NOL4: variants seen among roughly 807,000 people sequenced by gnomAD.
NOL4 encodes the protein cancer/testis antigen 125.
NOL4 carries 17 observed loss-of-function variants against 75.9 expected under a neutral mutation model. The ratio of observed to expected loss-of-function variants is 0.22; its 90% CI spans 0.15 to 0.34. The LOEUF (loss-of-function observed/expected upper bound fraction) is 0.34, where lower values mean the gene tolerates loss of function less well. Among genes scored for constraint, NOL4 ranks in the 10% least tolerant of loss-of-function variants. NOL4 has a pLI of 1.00. For synonymous variants in NOL4, 292 were observed against 289.9 expected (o/e 1.01, Z -0.07); for missense variants, 614 against 793.5 (o/e 0.77, Z 2.72).
chr18:33,970,751 GTA>G (rs1491177119), intron 6 of NOL4, among the ~76,000 whole-genome samples: 302 of 151,386 alleles, frequency 2.0e-3, no homozygotes, highest in South Asian at 0.01. Flanking sequence ...GTGTGTGTGT[GTA>G]TGTGTATGTG....
At chr18:34,004,335 C>T (rs144616404) in intron 6 of NOL4, among the ~76,000 whole-genome samples, 238 of 152,184 alleles carry the variant, frequency 1.6e-3, no homozygotes, top group African/African-American at 5.3e-3. Flanking sequence ...CCATGGGCCA[C>T]TGGTCACTCA....
intron 9 of NOL4, among the ~76,000 whole-genome samples, chr18:33,890,863 T>A (rs1230982527): frequency 6.6e-6 from 1 of 151,876 alleles, no homozygotes; most frequent in Non-Finnish European, 1.5e-5. Flanking sequence ...GAAATAGTGG[T>A]AGAGAAATAT....
chr18:34,107,043 A>G (rs2079321796), intron 2 of NOL4, among the ~76,000 whole-genome samples: 1 of 152,134 alleles, frequency 6.6e-6, no homozygotes, highest in South Asian at 2.1e-4. Context: ...ATTGAAAGAT[A>G]GGTAAGTGCT....
rs188387847 is a variant in NOL4, at chr18:34,220,533, C to T, written c.264+2457G>A. Among the ~76,000 whole-genome samples, 127 of 151,966 alleles carry T rather than the reference C, an allele frequency of 8.4e-4. 2 individuals are homozygous for T. The highest frequency in any genetic ancestry group is 1.4e-3 in the Admixed American group (22 of 15,258). On this transcript the variant is annotated intron_variant, in intron 1 of 10. Coordinates refer to ENST00000261592, the MANE Select transcript of NOL4 (RefSeq NM_003787.5). ...TTCTTGGTGACTGTACTCCTACCAT[C>T]GGAAAGAAAAATCAATGTATCATTA...
At chr18:34,120,894 G>A (rs951874464) in intron 2 of NOL4, among the ~76,000 whole-genome samples, 3 of 152,110 alleles carry the variant, frequency 2.0e-5, no homozygotes, top group African/African-American at 7.2e-5. Flanking sequence ...TACATTAGTA[G>A]ACTGAAGTTA....
At chr18:34,214,759 C>G (rs2036761547) in intron 1 of NOL4, among the ~76,000 whole-genome samples, 1 of 152,070 alleles carries the variant, frequency 6.6e-6, no homozygotes, top group Non-Finnish European at 1.5e-5. Context: ...TACAAGCAAT[C>G]CAAATGGCCA....
intron 1 of NOL4, among the ~76,000 whole-genome samples, chr18:34,159,606 A>C (rs964211842): frequency 2.6e-5 from 4 of 151,794 alleles, no homozygotes; most frequent in Non-Finnish European, 4.4e-5. Flanking sequence ...GCCCCACCCC[A>C]ATCCATCCCG....
At chr18:33,986,062 A>G (rs1338865257) in intron 6 of NOL4, among the ~76,000 whole-genome samples, 1 of 152,168 alleles carries the variant, frequency 6.6e-6, no homozygotes, top group African/African-American at 2.4e-5. Flanking sequence ...TTCTTTAGCC[A>G]AAGTAAAATA....
chr18:33,868,134 C>A (rs564670346), intron 10 of NOL4, among the ~76,000 whole-genome samples: 1 of 151,160 alleles, frequency 6.6e-6, no homozygotes, highest in Non-Finnish European at 1.5e-5. Context: ...ACCTCTAGAG[C>A]TCGAGTGATC....
chr18:34,084,749 C>T (rs2078169781), intron 5 of NOL4, among the ~76,000 whole-genome samples: 1 of 152,104 alleles, frequency 6.6e-6, no homozygotes, highest in African/African-American at 2.4e-5. Context: ...CTTTATATCA[C>T]CCACAATCTA....
intron 9 of NOL4, among the ~76,000 whole-genome samples, chr18:33,932,251 T>C (rs1599914178): frequency 6.6e-6 from 1 of 152,126 alleles, no homozygotes; most frequent in Non-Finnish European, 1.5e-5. Context: ...ATATATAACA[T>C]TAATTATAAA....
intron 6 of NOL4, among the ~76,000 whole-genome samples, chr18:34,002,326 T>G (rs912333172): frequency 6.6e-6 from 1 of 152,110 alleles, no homozygotes; most frequent in Non-Finnish European, 1.5e-5. Context: ...AAACATGCCA[T>G]GCTTAGGCTT....
chr18:34,089,723 G>T (rs914837158), intron 5 of NOL4, among the ~76,000 whole-genome samples: 2 of 152,200 alleles, frequency 1.3e-5, no homozygotes, highest in African/African-American at 2.4e-5. Flanking sequence ...AACATCTGAA[G>T]ATATTTTTAT....
At chr18:33,915,633 T>C (rs982581753) in intron 9 of NOL4, among the ~76,000 whole-genome samples, 6 of 152,238 alleles carry the variant, frequency 3.9e-5, no homozygotes, top group African/African-American at 1.2e-4. Context: ...GCGAGATATA[T>C]GGCTTCTAAT....
At chr18:34,110,047 C>T (rs1475302361) in intron 2 of NOL4, among the ~76,000 whole-genome samples, 2 of 145,750 alleles carry the variant, frequency 1.4e-5, no homozygotes, top group Admixed American at 7.1e-5. Context: ...GACCTGACGG[C>T]TTCACTGGTA....
chr18:34,172,809 G>A (rs971303670), intron 1 of NOL4, among the ~76,000 whole-genome samples: 14 of 151,898 alleles, frequency 9.2e-5, no homozygotes, highest in East Asian at 3.9e-4. Flanking sequence ...CCATATTTAC[G>A]TCTTATTTGG....
At chr18:34,024,844 G>C (rs1291080318) in intron 5 of NOL4, among the ~76,000 whole-genome samples, 1 of 152,140 alleles carries the variant, frequency 6.6e-6, no homozygotes, top group South Asian at 2.1e-4. Context: ...ATCCATGTGG[G>C]CACTAAAACC....
intron 5 of NOL4, among the ~76,000 whole-genome samples, chr18:34,082,955 T>C (rs1334470197): frequency 6.6e-6 from 1 of 152,192 alleles, no homozygotes; most frequent in African/African-American, 2.4e-5. Flanking sequence ...CATTTAAGGT[T>C]GCCAAAGACA....
chr18:33,880,450 T>G (rs1024741345), intron 10 of NOL4, among the ~76,000 whole-genome samples: 1 of 152,012 alleles, frequency 6.6e-6, no homozygotes, highest in African/African-American at 2.4e-5. Flanking sequence ...TAGCTTTATA[T>G]TATACAGTTA....
Sources: allele counts gnomAD v4.1 joint callset (sites outside exome capture counted in the v4.1 genomes callset), GRCh38; gene constraint gnomAD v4.1.1; transcripts MANE v1.5; gene names NCBI Gene and HGNC (gene_info 2026-07-23, HGNC 2026-07-21).